Variants in RARB observed in about 807,000 individuals in gnomAD.
RARB encodes retinoic acid receptor beta.
Under a neutral mutation model 51.9 loss-of-function variants are expected in RARB, and 17 were observed. That is an observed-to-expected ratio of 0.33 (90% CI 0.22 to 0.49). RARB has a LOEUF of 0.49. RARB is among the 20% of genes least tolerant of loss of function. The probability of loss-of-function intolerance (pLI) is 0.99; values close to 1 mark genes in which losing one functional copy is unlikely to be tolerated. For missense variants in RARB, 369 were observed against 550.8 expected (o/e 0.67, Z 3.30); for synonymous variants, 215 against 195.4 (o/e 1.10, Z -0.84).
intron 2 of RARB, among the ~76,000 whole-genome samples, chr3:25,006,718 T>G (rs1228076240): frequency 9.9e-5 from 15 of 152,170 alleles, no homozygotes; most frequent in Non-Finnish European, 2.1e-4. Flanking sequence ...AAAAAATAGA[T>G]TTTGAACATG....
chr3:25,381,637 C>A (rs902326145), intron 5 of RARB, among the ~76,000 whole-genome samples: 6 of 152,140 alleles, frequency 3.9e-5, no homozygotes, highest in Admixed American at 1.3e-4. Context: ...AATGCATTTC[C>A]CCTTGCATGT....
At chr3:25,141,186 A>G (rs556746778) in intron 4 of RARB, among the ~76,000 whole-genome samples, 1 of 152,284 alleles carries the variant, frequency 6.6e-6, no homozygotes, top group African/African-American at 2.4e-5. Flanking sequence ...CAATAACACT[A>G]TGAGATGAAA....
intron 2 of RARB, among the ~76,000 whole-genome samples, chr3:24,910,555 C>T (rs1694970658): frequency 6.6e-6 from 1 of 152,172 alleles, no homozygotes; most frequent in Non-Finnish European, 1.5e-5. Context: ...AACAGATACT[C>T]CCCAATCCAA....
intron 4 of RARB, among the ~76,000 whole-genome samples, chr3:25,159,974 C>T (rs1486294512): frequency 6.6e-6 from 1 of 152,174 alleles, no homozygotes; most frequent in Non-Finnish European, 1.5e-5. Flanking sequence ...TTGAAAACCA[C>T]AGGCTAATTA....
At chr3:25,159,074 A>C (rs190980140) in intron 4 of RARB, among the ~76,000 whole-genome samples, 1 of 150,874 alleles carries the variant, frequency 6.6e-6, no homozygotes, top group African/African-American at 2.4e-5. Context: ...AAAGAAAATG[A>C]TATTTGATGA....
chr3:25,084,441 T>C (rs571736343), intron 3 of RARB, among the ~76,000 whole-genome samples: 15 of 152,298 alleles, frequency 9.8e-5, no homozygotes, highest in African/African-American at 3.4e-4. Context: ...ATTTGTAATA[T>C]AGTTTTAAAG....
chr3:25,384,140 C>G (rs1042463902), intron 5 of RARB, among the ~76,000 whole-genome samples: 14 of 152,132 alleles, frequency 9.2e-5, no homozygotes, highest in African/African-American at 3.4e-4. Flanking sequence ...TGTCAAATAT[C>G]TAGCATGTCT....
chr3:25,174,267 C>T (rs1238850620), exon 5 of RARB: 2 of 659,770 alleles, frequency 3.0e-6, no homozygotes, highest in Non-Finnish European at 4.6e-6. Flanking sequence ...TCAGTTGAAC[C>T]ATCTTGACTT....
At chr3:25,126,210 TTAAAG>T (rs1699857245) in intron 3 of RARB, among the ~76,000 whole-genome samples, 1 of 152,200 alleles carries the variant, frequency 6.6e-6, no homozygotes, top group Non-Finnish European at 1.5e-5. Flanking sequence ...CCATTTATAA[TTAAAG>T]TAATGTTTCC....
chr3:25,111,574 C>A (rs1044500404), intron 3 of RARB, among the ~76,000 whole-genome samples: 5 of 142,124 alleles, frequency 3.5e-5, no homozygotes, highest in Non-Finnish European at 7.5e-5. Context: ...ATCTCCGTTT[C>A]TAACAGTGGT....
At chr3:25,013,914 A>C (rs747471574) in intron 2 of RARB, among the ~76,000 whole-genome samples, 4 of 152,094 alleles carry the variant, frequency 2.6e-5, no homozygotes, top group Admixed American at 6.6e-5. Flanking sequence ...GGTTCACAAA[A>C]CTGAAAAGTG....
chr3:25,260,077 A>G lies in RARB; in HGVS notation c.178+85502A>G, dbSNP rs1029709934. On this transcript the variant is annotated intron_variant, in intron 5 of 11. Coordinates refer to the RARB transcript ENST00000383772. ...GTGTGTGGCTGGTTTTCTTGGGCAC[A>G]AGGCCCAGATGAGTTTCAGCTTTGT... 67 of 810,678 alleles carry G rather than the reference A, an allele frequency of 8.3e-5. No homozygotes were observed. The African/African-American group carries it at 1.2e-3, about 15-fold the overall frequency. The allele number at this position is 810,678 out of a possible 1,614,324, so 50.2% of individuals were successfully genotyped here. A position where few individuals can be genotyped will look rare whatever the true frequency, so the allele number is the denominator to read the frequency against.
chr3:25,218,932 C>T (rs144447697), intron 5 of RARB, among the ~76,000 whole-genome samples: 153 of 152,296 alleles, frequency 1.0e-3, no homozygotes, highest in Non-Finnish European at 1.9e-3. Context: ...TTTCTACCTT[C>T]ACGCTTGCCT....
chr3:25,135,746 CAAAT>C (rs1700023136), intron 4 of RARB, among the ~76,000 whole-genome samples: 1 of 151,692 alleles, frequency 6.6e-6, no homozygotes, highest in African/African-American at 2.4e-5. Context: ...GTATGAAACA[CAAAT>C]AAAAATGAAG....
At chr3:25,299,463 T>C (rs1055190567) in intron 5 of RARB, among the ~76,000 whole-genome samples, 10 of 152,036 alleles carry the variant, frequency 6.6e-5, no homozygotes, top group Non-Finnish European at 1.5e-4. Context: ...GCCTCCCAAA[T>C]TGCTGGGATT....
chr3:25,155,540 A>G (rs1258964414), intron 4 of RARB, among the ~76,000 whole-genome samples: 5 of 152,246 alleles, frequency 3.3e-5, no homozygotes, highest in Admixed American at 3.3e-4. Flanking sequence ...CAGTGGCAAT[A>G]TTACTCTAAC....
At chr3:25,111,065 G>A (rs899212080) in intron 3 of RARB, among the ~76,000 whole-genome samples, 36 of 152,094 alleles carry the variant, frequency 2.4e-4, no homozygotes, top group African/African-American at 8.7e-4. Context: ...CTAAGGCTTG[G>A]CAGGATTATT....
chr3:24,988,469 T>C (rs73036518), intron 2 of RARB, among the ~76,000 whole-genome samples: 33,476 of 152,190 alleles, frequency 0.22, 4,107 homozygotes, highest in East Asian at 0.39. Context: ...AATTAATCCA[T>C]GTAGAGTTGA....
intron 5 of RARB, among the ~76,000 whole-genome samples, chr3:25,299,602 A>G (rs984515260): frequency 2.6e-5 from 4 of 152,212 alleles, no homozygotes; most frequent in Non-Finnish European, 5.9e-5. Context: ...AATTGTTGCA[A>G]TATTTCAATT....
Sources: gnomAD v4.1 joint callset for allele counts (sites outside exome capture counted in the v4.1 genomes callset) on GRCh38, gnomAD v4.1.1 for gene constraint, MANE v1.5 for transcripts, NCBI Gene and HGNC (gene_info 2026-07-23, HGNC 2026-07-21) for gene names.